The following CERS6 variants were observed in gnomAD, a reference collection of about 807,000 sequenced individuals.
CERS6 encodes the protein LAG1 homolog, ceramide synthase 6.
In CERS6, 26 loss-of-function variants were observed where a neutral mutation model predicts 56.8. The observed-to-expected ratio is 0.46, with a 90% CI of 0.34 to 0.63. CERS6 has a LOEUF of 0.63. CERS6 is among the 30% of genes least tolerant of loss of function. The pLI is 0.01. For synonymous variants in CERS6, 164 were observed against 173.3 expected (o/e 0.95, Z 0.42); for missense variants, 415 against 467.5 (o/e 0.89, Z 1.04).
At chr2:168,523,197 G>A (rs1695013055) in intron 1 of CERS6, among the ~76,000 whole-genome samples, 1 of 152,128 alleles carries the variant, frequency 6.6e-6, no homozygotes, top group African/African-American at 2.4e-5. Context: ...TTGTCCTTAA[G>A]CTTGTCACCT....
intron 3 of CERS6, among the ~76,000 whole-genome samples, chr2:168,565,970 C>T (rs1361644854): frequency 6.6e-6 from 1 of 152,152 alleles, no homozygotes; most frequent in Non-Finnish European, 1.5e-5. Context: ...CCTTCTCTGA[C>T]AATTGCATCC....
chr2:168,468,467 A>G (rs1693921794), intron 1 of CERS6, among the ~76,000 whole-genome samples: 1 of 152,212 alleles, frequency 6.6e-6, no homozygotes, highest in Non-Finnish European at 1.5e-5. Flanking sequence ...GGGGCAAATT[A>G]CTTAACCTCT....
chr2:168,573,906 T>C (rs1683182653), intron 3 of CERS6, among the ~76,000 whole-genome samples: 1 of 152,258 alleles, frequency 6.6e-6, no homozygotes, highest in Non-Finnish European at 1.5e-5. Flanking sequence ...GTATGAGGAA[T>C]GTAGGCTATG....
intron 4 of CERS6, among the ~76,000 whole-genome samples, chr2:168,637,790 T>C (rs1684897068): frequency 6.6e-6 from 1 of 152,184 alleles, no homozygotes; most frequent in Non-Finnish European, 1.5e-5. Flanking sequence ...ACTGTGGTAG[T>C]AATGTAATGG....
At chr2:168,616,306 T>TA (rs1684315621) in intron 3 of CERS6, among the ~76,000 whole-genome samples, 1 of 151,524 alleles carries the variant, frequency 6.6e-6, no homozygotes, top group South Asian at 2.1e-4. Context: ...AAAACAAAAA[T>TA]ACAATTTAGG....
chr2:168,697,523 C>T (rs1401813804), intron 6 of CERS6, among the ~76,000 whole-genome samples: 7 of 147,832 alleles, frequency 4.7e-5, no homozygotes, highest in Admixed American at 4.7e-4. Flanking sequence ...ACGTAAAACT[C>T]TTATATAACA....
chr2:168,648,677 T>C (rs1480894025), intron 4 of CERS6, among the ~76,000 whole-genome samples: 2 of 152,236 alleles, frequency 1.3e-5, no homozygotes, highest in Non-Finnish European at 2.9e-5. Flanking sequence ...TGAGTTTCTC[T>C]CTTAACAGTG....
At chr2:168,658,437 A>G (rs886152676) in intron 4 of CERS6, among the ~76,000 whole-genome samples, 1 of 152,092 alleles carries the variant, frequency 6.6e-6, no homozygotes, top group African/African-American at 2.4e-5. Context: ...TTCTCTTTAG[A>G]TTGTAGGTGA....
intron 4 of CERS6, among the ~76,000 whole-genome samples, chr2:168,650,283 G>C (rs1685311843): frequency 6.6e-6 from 1 of 152,126 alleles, no homozygotes; most frequent in African/African-American, 2.4e-5. Flanking sequence ...AGGAGGGGAA[G>C]GACAGGAATC....
At chr2:168,563,446 T>G (rs1695827871) in intron 3 of CERS6, among the ~76,000 whole-genome samples, 1 of 152,192 alleles carries the variant, frequency 6.6e-6, no homozygotes, top group Non-Finnish European at 1.5e-5. Context: ...GTAATAGTGT[T>G]ATGGAAATAA....
At chr2:168,669,035 A>T (rs964901636) in intron 4 of CERS6, among the ~76,000 whole-genome samples, 2 of 152,130 alleles carry the variant, frequency 1.3e-5, no homozygotes. Flanking sequence ...ATTAGTTAGG[A>T]TTAGGTCTGG....
intron 9 of CERS6, among the ~76,000 whole-genome samples, chr2:168,767,935 A>G (rs1262150085): frequency 6.6e-6 from 1 of 152,262 alleles, no homozygotes; most frequent in African/African-American, 2.4e-5. Context: ...CCACTGAAAA[A>G]TATAAGTAAG....
intron 4 of CERS6, among the ~76,000 whole-genome samples, chr2:168,675,749 C>T (rs1011926587): frequency 2.0e-5 from 3 of 151,468 alleles, no homozygotes; most frequent in South Asian, 2.1e-4. Context: ...TGCAGTGGTG[C>T]GATCTCAGCT....
intron 4 of CERS6, among the ~76,000 whole-genome samples, chr2:168,631,574 A>AATATATATTTAATATAT: frequency 8.4e-6 from 1 of 118,426 alleles, no homozygotes; most frequent in Middle Eastern, 4.3e-3. Context: ...TATTAAATAT[A>AATATATATTTAATATAT]ATATATATTT....
chr2:168,525,327 G>A (rs1695051986), intron 1 of CERS6, among the ~76,000 whole-genome samples: 1 of 152,216 alleles, frequency 6.6e-6, no homozygotes, highest in Admixed American at 6.5e-5. Flanking sequence ...TGCTTCTCAG[G>A]TGAGGCTGAG....
At chr2:168,745,246 A>AT (rs577637175) in intron 8 of CERS6, among the ~76,000 whole-genome samples, 146 of 97,766 alleles carry the variant, frequency 1.5e-3, no homozygotes, top group African/African-American at 3.1e-3. Flanking sequence ...TCAGTTTAAA[A>AT]ATTTTTTTTT....
chr2:168,639,451 A>G (rs1472194044), intron 4 of CERS6, among the ~76,000 whole-genome samples: 1 of 152,222 alleles, frequency 6.6e-6, no homozygotes, highest in East Asian at 1.9e-4. Context: ...CGAGGAAAGC[A>G]TTACTCAAGT....
intron 4 of CERS6, among the ~76,000 whole-genome samples, chr2:168,687,579 G>C (rs1192854631): frequency 1.3e-5 from 2 of 152,142 alleles, no homozygotes; most frequent in African/African-American, 4.8e-5. Context: ...TATCTTGATT[G>C]CTTACAATGT....
chr2:168,574,254 G>A (rs1000427788), intron 3 of CERS6, among the ~76,000 whole-genome samples: 16 of 152,076 alleles, frequency 1.1e-4, no homozygotes, highest in Non-Finnish European at 5.9e-5. Flanking sequence ...ATTATGAAGC[G>A]TTTACATGAA....
Sources: allele counts gnomAD v4.1 joint callset (sites outside exome capture counted in the v4.1 genomes callset), GRCh38; gene constraint gnomAD v4.1.1; transcripts MANE v1.5; gene names NCBI Gene and HGNC (gene_info 2026-07-23, HGNC 2026-07-21).